The following LCTL variants were observed in gnomAD, a reference collection of about 807,000 sequenced individuals.
LCTL encodes the protein lactase-like protein.
LCTL carries 76 observed loss-of-function variants against 75.8 expected under a neutral mutation model. The observed-to-expected ratio is 1.00, with a 90% CI of 0.83 to 1.21. The LOEUF is 1.21. Ranked by LOEUF, LCTL falls within the 50% of genes most tolerant of loss-of-function variation. LCTL has a pLI of 0.00. For synonymous variants in LCTL, 271 were observed against 268.8 expected (o/e 1.01, Z -0.08); for missense variants, 670 against 712.4 (o/e 0.94, Z 0.68).
At chr15:66,551,761 ATAG>A (rs1895608459) in exon 11 of LCTL, 3 of 1,612,768 alleles carry the variant, frequency 1.9e-6, no homozygotes, top group Non-Finnish European at 2.5e-6. Context: ...TAAATTCAAC[ATAG>A]TAGAATCCAT....
At chr15:66,553,441 A>T (rs1006412374) in intron 8 of LCTL, among the ~76,000 whole-genome samples, 183 bp from the exon 10 acceptor site, 5 of 152,220 alleles carry the variant, frequency 3.3e-5, no homozygotes, top group African/African-American at 1.2e-4. Context: ...CAAAATATTT[A>T]TAAGTTTATA....
chr15:66,563,884 G>T, intron 3 of LCTL, 27 bp downstream of exon 4: 2 of 1,581,650 alleles, frequency 1.3e-6, no homozygotes, highest in South Asian at 2.2e-5. Flanking sequence ...GCCTCACTTG[G>T]GTTCAAGAGG....
intron 8 of LCTL, among the ~76,000 whole-genome samples, chr15:66,555,238 C>T (rs1595934058): frequency 6.6e-6 from 1 of 152,132 alleles, no homozygotes; most frequent in Non-Finnish European, 1.5e-5. Flanking sequence ...ACAATAGCCA[C>T]TAGCTGCATA....
At chr15:66,548,197 G>A (rs973242057) in exon 13 of LCTL, 2 of 219,212 alleles carry the variant, frequency 9.1e-6, no homozygotes, top group African/African-American at 4.6e-5. Context: ...AGTCACAACA[G>A]TTTGTATACT....
At chr15:66,565,457 A>T in exon 1 of LCTL, 1 of 755,930 alleles carries the variant, frequency 1.3e-6, no homozygotes, top group South Asian at 1.7e-5. Flanking sequence ...CTTAGGGCAA[A>T]GGCCAAGTGG....
rs1214273713 is a variant in LCTL, at chr15:66,553,040, AC to A, written c.1140del (p.Ser381LeufsTer29). On this transcript the variant is annotated frameshift_variant, in exon 9 of 13. Transcript: ENST00000341509. LOFTEE classifies it high-confidence loss of function. ...CATGGCACAGAATATAGCCATTTAG[AC>A]CCCAGATCTGGCCAGTTTGGGTCAA... 3 of 1,574,518 alleles carry A rather than the reference AC, an allele frequency of 1.9e-6. No homozygotes were observed. The Admixed American group carries it at 5.7e-5, about 30-fold the overall frequency.
At chr15:66,564,376 C>A in intron 2 of LCTL, 3 of 475,220 alleles carry the variant, frequency 6.3e-6, no homozygotes, top group Non-Finnish European at 1.1e-5. Flanking sequence ...TGGCTGTAGG[C>A]CCTGAGGCTG....
At chr15:66,550,427 T>G (rs1895554561) in intron 11 of LCTL, among the ~76,000 whole-genome samples, 1 of 152,166 alleles carries the variant, frequency 6.6e-6, no homozygotes, top group African/African-American at 2.4e-5. Context: ...CTTAAAATAG[T>G]TTTGGTAAAC....
At position 66,561,297 on chromosome 15, in the gene LCTL, C is replaced by T. The variant is rs140843279; in HGVS notation, c.499G>A (p.Gly167Ser). The change falls in exon 5 of 13, where the codon GGT becomes AGT. Residue 167 changes from glycine (G) to serine (S), a missense_variant. By Grantham distance (56) the Gly-to-Ser change is moderately conservative (BLOSUM62 0). Coordinates refer to ENST00000341509, the Ensembl canonical transcript of LCTL. ...GCCATGCTCACATTCTGCCACCCAC[C>T]GTATTTGACCTGGAGCAGCTGTGAA... 6.1e-5 allele frequency: 98 copies of T among 1,614,232 alleles called. 1 individual carries two copies. Among genetic ancestry groups the T allele is most frequent in the Admixed American group, 2.5e-4 (15 of 60,030 alleles).
chr15:66,551,892 T>C, intron 10 of LCTL, 31 bp from the exon 12 acceptor site: 1 of 1,555,514 alleles, frequency 6.4e-7, no homozygotes, highest in East Asian at 2.2e-5. Flanking sequence ...ATTTTAAATA[T>C]ATTTCATTTA....
chr15:66,563,564 G>C (rs1567062577), exon 4 of LCTL: 9 of 1,612,640 alleles, frequency 5.6e-6, no homozygotes, highest in Non-Finnish European at 7.6e-6. Context: ...TGATGTTGCT[G>C]CTCAGAAGGG....
chr15:66,556,571 C>CT (rs1005843156), intron 8 of LCTL, among the ~76,000 whole-genome samples: 17 of 152,130 alleles, frequency 1.1e-4, no homozygotes, highest in Non-Finnish European at 1.8e-4. Context: ...TCCCAAAGTG[C>CT]TGGGATTACA....
rs753467112 is a variant in LCTL, at chr15:66,553,202, G to A, written c.979C>T (p.Gln327Ter). ...GTGCCTTTAATGTAGCTCTTCTCCT[G>A]GAGTGAGAACACCGGTAACCTCGAC... The change falls in exon 9 of 13, where the codon CAG becomes TAG. Residue 327 changes from glutamine (Q) to a stop codon, truncating the protein, a stop_gained. Transcript: ENST00000341509. LOFTEE classifies it high-confidence loss of function. 6.2e-7 allele frequency: 1 copy of A among 1,607,132 alleles called. No individual in the cohort carries two copies.
At chr15:66,561,373 G>T in intron 4 of LCTL, 58 bp from the exon 6 acceptor site, 1 of 1,602,736 alleles carries the variant, frequency 6.2e-7, no homozygotes, top group Non-Finnish European at 8.5e-7. Flanking sequence ...TTTAAATGTG[G>T]AGATAAGCTG....
At chr15:66,559,920 C>T (rs1330134002) in intron 6 of LCTL, among the ~76,000 whole-genome samples, 1 of 151,768 alleles carries the variant, frequency 6.6e-6, no homozygotes, top group East Asian at 1.9e-4. Flanking sequence ...AACCCTGTCT[C>T]TATCAAAAAT....
chr15:66,560,465 C>T (rs1007629855), intron 6 of LCTL, among the ~76,000 whole-genome samples: 8 of 152,280 alleles, frequency 5.3e-5, no homozygotes, highest in Non-Finnish European at 8.8e-5. Flanking sequence ...AGAGCACCTC[C>T]GCTGCAGCTC....
intron 10 of LCTL, 57 bp from the exon 12 acceptor site, chr15:66,551,918 CTG>C: frequency 5.2e-6 from 8 of 1,530,418 alleles, no homozygotes; most frequent in Non-Finnish European, 4.4e-6. Context: ...AAAAATAAAA[CTG>C]AAGATAATGT....
At chr15:66,555,895 T>C (rs1000920123) in intron 8 of LCTL, among the ~76,000 whole-genome samples, 1 of 152,214 alleles carries the variant, frequency 6.6e-6, no homozygotes, top group Non-Finnish European at 1.5e-5. Flanking sequence ...TACAGATGTA[T>C]AAGCACATGA....
rs766945221 is a variant in LCTL, at chr15:66,552,174, AAGTG to A, written c.1198-9_1198-6del. The A allele has an allele frequency of 1.2e-6, 2 of 1,604,462 alleles. No homozygotes were observed. Among genetic ancestry groups the A allele is most frequent in the Non-Finnish European group, 1.7e-6 (2 of 1,177,748 alleles). ...GGGAGGATCACCGTATTGAGTCTGA[AAGTG>A]AGTCATAGCAACAAATATCTTAAAA... On this transcript the variant is annotated splice_region_variant and splice_polypyrimidine_tract_variant and intron_variant, in intron 9 of 12. Transcript: ENST00000341509.
Sources: allele counts gnomAD v4.1 joint callset (sites outside exome capture counted in the v4.1 genomes callset), GRCh38; gene constraint gnomAD v4.1.1; transcripts MANE v1.5; gene names NCBI Gene and HGNC (gene_info 2026-07-23, HGNC 2026-07-21).